PIK3CA: variants seen among roughly 807,000 people sequenced by gnomAD.
PIK3CA encodes phosphatidylinositol-4,5-bisphosphate 3-kinase catalytic subunit alpha, also known as phosphatidylinositol 4,5-bisphosphate 3-kinase catalytic subunit alpha isoform.
In PIK3CA, 27 loss-of-function variants were observed where a neutral mutation model predicts 138.2. The observed-to-expected ratio is 0.20, with a 90% confidence interval of 0.14 to 0.27. The LOEUF is 0.27. Among genes scored for constraint, PIK3CA ranks in the 10% least tolerant of loss-of-function variants. PIK3CA has a pLI of 1.00. For synonymous variants in PIK3CA, 358 were observed against 413.2 expected, an observed-to-expected ratio of 0.87 and a Z score of 1.62; for missense variants, 544 against 1,277.4, an observed-to-expected ratio of 0.43 and a Z score of 8.75.
chr3:179,202,930 G>T (rs970368042), intron 4 of PIK3CA, among the ~76,000 whole-genome samples: 56 of 147,342 alleles, frequency 3.8e-4, no homozygotes, highest in Non-Finnish European at 7.9e-4. Flanking sequence ...TGAGTATCCT[G>T]TGATCCTTGT....
At chr3:179,210,072 T>A (rs1560141914) in intron 7 of PIK3CA, 114 bp from the exon 8 acceptor site, 4 of 740,808 alleles carry the variant, frequency 5.4e-6, no homozygotes, top group Non-Finnish European at 8.4e-6. Flanking sequence ...TTTTTTTTTT[T>A]AGATATTCCC....
chr3:179,229,532 G>T lies in PIK3CA; in HGVS notation c.2666+90G>T, dbSNP rs1016527205. On this transcript the variant is annotated intron_variant, in intron 18 of 20. Coordinates refer to ENST00000263967, the MANE Select transcript of PIK3CA (RefSeq NM_006218.4). ...TTGTGTATTCCTCTGAGTTAGAACA[G>T]AGAAAACAATTGTACTTTCTATGGA... 4.5e-6 allele frequency: 4 copies of T among 894,238 alleles called. No individual in the cohort carries two copies. In the African/African-American group the frequency reaches 6.8e-5, roughly 15 times the overall value. 55.4% of individuals were successfully genotyped at this position (894,238 alleles called of 1,614,324 possible).
intron 4 of PIK3CA, among the ~76,000 whole-genome samples, chr3:179,202,984 A>G (rs1576934183): frequency 1.6e-5 from 2 of 124,536 alleles, no homozygotes. Context: ...TCTGTCGCCC[A>G]GGCTGGAGTG....
intron 1 of PIK3CA, among the ~76,000 whole-genome samples, chr3:179,173,871 C>A (rs1226396222): frequency 6.6e-6 from 1 of 151,720 alleles, no homozygotes; most frequent in Admixed American, 6.6e-5. Flanking sequence ...GGATTACAGG[C>A]CCCTGCCACC....
intron 14 of PIK3CA, among the ~76,000 whole-genome samples, chr3:179,222,855 A>G (rs1219394839): frequency 1.3e-5 from 2 of 152,192 alleles, no homozygotes; most frequent in Admixed American, 6.5e-5. Flanking sequence ...CTTTCACACC[A>G]TCACAAAGTT....
chr3:179,227,483 T>C (rs937821080), intron 17 of PIK3CA, among the ~76,000 whole-genome samples: 1 of 151,980 alleles, frequency 6.6e-6, no homozygotes, highest in Non-Finnish European at 1.5e-5. Context: ...TCAAAGGAAG[T>C]TGGAGTACTA....
chr3:179,148,193 G>C (rs925810458), upstream of PIK3CA: 1 of 151,682 alleles, frequency 6.6e-6, no homozygotes, highest in African/African-American at 2.4e-5. Flanking sequence ...AGGGGGTGGG[G>C]AAGAGTTCGT....
rs896050447 is a variant in PIK3CA, at chr3:179,226,011, T to A, written c.2466T>A (p.Asn822Lys). 6.3e-7 allele frequency: 1 copy of A among 1,599,830 alleles called. No homozygotes were observed. Among genetic ancestry groups the A allele is most frequent in the Non-Finnish European group, 8.6e-7 (1 of 1,168,496 alleles). ...TTCAAATTATTCGTATTATGGAAAA[T>A]ATCTGGCAAAATCAAGGTCTTGATC... ...LTLQIIRIME[N>K]IWQNQGLDLR... Residue 822 changes from asparagine to lysine, a missense_variant, in exon 17 of 21, where the codon AAT becomes AAA. Transcript: ENST00000263967.
rs115861499 is a variant in PIK3CA at position 179,163,923 on chromosome 3, G to A, written c.-77+15320G>A. Among the ~76,000 whole-genome samples the A allele has an allele frequency of 6.7e-3, 1,013 of 152,140 alleles. 12 individuals are homozygous for A. Among genetic ancestry groups the A allele is most frequent in the African/African-American group, 0.023 (944 of 41,506 alleles). On this transcript the variant is annotated intron_variant, in intron 1 of 20. Coordinates refer to ENST00000263967, the MANE Select transcript of PIK3CA (RefSeq NM_006218.4). ...GGTTTAACCCTTTCGAAAAGCACGTGAACAATTTGCATGCCTTTAAAATCA... is the reference window on the plus strand; with the variant it reads ...GGTTTAACCCTTTCGAAAAGCACGTAAACAATTTGCATGCCTTTAAAATCA...
At chr3:179,226,128 G>T in intron 17 of PIK3CA, 88 bp downstream of exon 17, 1 of 694,488 alleles carries the variant, frequency 1.4e-6, no homozygotes, top group Non-Finnish European at 2.6e-6. Flanking sequence ...AGAGGCATAT[G>T]TCTAAAAAGA....
chr3:179,222,181 G>GT (rs1487437075), intron 14 of PIK3CA, among the ~76,000 whole-genome samples: 3 of 151,940 alleles, frequency 2.0e-5, no homozygotes, highest in Admixed American at 2.0e-4. Flanking sequence ...GACAGAGAAT[G>GT]TAAGTTAGCA....
intron 3 of PIK3CA, among the ~76,000 whole-genome samples, chr3:179,200,166 A>G (rs978751219): frequency 6.6e-6 from 1 of 152,018 alleles, no homozygotes; most frequent in Admixed American, 6.6e-5. Context: ...GAAATTTACT[A>G]TTTTTTAGGA....
chr3:179,154,130 G>C (rs935972497), intron 1 of PIK3CA, among the ~76,000 whole-genome samples: 4 of 152,104 alleles, frequency 2.6e-5, no homozygotes, highest in African/African-American at 9.7e-5. Flanking sequence ...GTGGCTTAGA[G>C]CTATCTTTTT....
In PIK3CA at chr3:179,231,562, A is replaced by T. The variant is rs567048273; in HGVS notation, c.2936+1186A>T. ...TCCCTGATGATTAATGATGTTGAGC[A>T]TTTTTTCATGTTTGTTGACCATTTA... is the stretch of plus-strand genomic sequence containing the variant. On this transcript the variant is annotated intron_variant, in intron 20 of 20. Transcript: ENST00000263967. Among the ~76,000 whole-genome samples, 20 of 127,282 alleles carry T rather than the reference A, an allele frequency of 1.6e-4. No homozygotes were observed. In the South Asian group the frequency reaches 5.0e-3, roughly 32 times the overall value. 83.5% of individuals were successfully genotyped at this position (127,282 alleles called of 152,430 possible). A position where few individuals can be genotyped will look rare whatever the true frequency, so the allele number is the denominator to read the frequency against.
intron 1 of PIK3CA, among the ~76,000 whole-genome samples, chr3:179,197,880 T>TA (rs1406674718): frequency 6.6e-6 from 1 of 152,172 alleles, no homozygotes; most frequent in Non-Finnish European, 1.5e-5. Flanking sequence ...TGTTGATGTC[T>TA]AAAAAAATTA....
intron 1 of PIK3CA, among the ~76,000 whole-genome samples, chr3:179,188,959 C>A (rs1325758814): frequency 1.3e-5 from 2 of 152,082 alleles, no homozygotes; most frequent in Non-Finnish European, 2.9e-5. Context: ...CACCTGTAAT[C>A]CCAGGACTTT....
intron 1 of PIK3CA, among the ~76,000 whole-genome samples, chr3:179,187,559 AG>A (rs1297013183): frequency 1.4e-5 from 2 of 139,728 alleles, no homozygotes; most frequent in Admixed American, 7.2e-5. Context: ...AAAAAAAAAG[AG>A]AGAAACGGAT....
intron 1 of PIK3CA, among the ~76,000 whole-genome samples, chr3:179,194,445 C>A (rs914052339): frequency 1.3e-5 from 2 of 152,124 alleles, no homozygotes; most frequent in Non-Finnish European, 2.9e-5. Context: ...TCTCGAACTC[C>A]TCAGCTCAAG....
intron 1 of PIK3CA, chr3:179,149,509 A>G (rs1421440359): frequency 6.6e-6 from 1 of 152,234 alleles, no homozygotes; most frequent in East Asian, 1.9e-4. Flanking sequence ...ACATGGTTAA[A>G]TAAAGGGTAG....
Sources: gnomAD v4.1 joint callset for allele counts (sites outside exome capture counted in the v4.1 genomes callset) on GRCh38, gnomAD v4.1.1 for gene constraint, MANE v1.5 for transcripts, NCBI Gene and HGNC (gene_info 2026-07-23, HGNC 2026-07-21) for gene names.